Variants in CPQ observed in about 807,000 individuals in gnomAD.
The protein encoded by CPQ is Ser-Met dipeptidase.
CPQ carries 37 observed loss-of-function variants against 45.7 expected under a neutral mutation model. The observed-to-expected ratio is 0.81, with a 90% confidence interval of 0.62 to 1.07. CPQ has a LOEUF of 1.07. Among genes scored for constraint, CPQ ranks in the 50% least tolerant of loss-of-function variants. The probability of loss-of-function intolerance (pLI) is 0.00; values close to 1 mark genes in which losing one functional copy is unlikely to be tolerated. For missense variants in CPQ, 537 were observed against 572.9 expected (o/e 0.94, Z 0.64); for synonymous variants, 186 against 205.8 (o/e 0.90, Z 0.82).
At chr8:96,963,538 A>G (rs1384969319) in intron 4 of CPQ, among the ~76,000 whole-genome samples, 2 of 152,150 alleles carry the variant, frequency 1.3e-5, no homozygotes, top group African/African-American at 4.8e-5. Context: ...GCAAAGGGTC[A>G]CCCTAATATT....
At chr8:96,654,194 G>A (rs1244879687) in intron 1 of CPQ, among the ~76,000 whole-genome samples, 1 of 152,188 alleles carries the variant, frequency 6.6e-6, no homozygotes, top group East Asian at 1.9e-4. Flanking sequence ...TTCCTCTGGT[G>A]TGTAGTGTCT....
intron 1 of CPQ, among the ~76,000 whole-genome samples, chr8:96,680,926 C>G (rs1809142040): frequency 6.6e-6 from 1 of 151,960 alleles, no homozygotes; most frequent in African/African-American, 2.4e-5. Context: ...CATTTTGCCC[C>G]TGCCCGAGAG....
intron 6 of CPQ, among the ~76,000 whole-genome samples, chr8:97,058,443 AAAC>A (rs1810490918): frequency 3.3e-5 from 5 of 152,240 alleles, no homozygotes; most frequent in African/African-American, 1.2e-4. Flanking sequence ...CAAAAACAAG[AAAC>A]ACATCTTTAT....
chr8:96,767,054 TCAGACA>T (rs1202007199), intron 1 of CPQ, among the ~76,000 whole-genome samples: 1 of 152,170 alleles, frequency 6.6e-6, no homozygotes, highest in Non-Finnish European at 1.5e-5. Flanking sequence ...ACTAAATGTA[TCAGACA>T]CTGTTGTGCA....
At chr8:97,108,142 T>C (rs1300966435) in intron 7 of CPQ, among the ~76,000 whole-genome samples, 1 of 152,230 alleles carries the variant, frequency 6.6e-6, no homozygotes, top group African/African-American at 2.4e-5. Context: ...GTTAATTTAA[T>C]TTCTATGTAA....
chr8:96,687,180 C>CTTTTCTTTTCTTTTCT (rs1563469130), intron 1 of CPQ, among the ~76,000 whole-genome samples: 3 of 124,392 alleles, frequency 2.4e-5, no homozygotes, highest in African/African-American at 9.5e-5. Context: ...TTTTCTTTCT[C>CTTTTCTTTTCTTTTCT]TTCTCTTCTC....
intron 3 of CPQ, among the ~76,000 whole-genome samples, chr8:96,874,627 A>G (rs1372489147): frequency 2.6e-5 from 4 of 151,766 alleles, no homozygotes; most frequent in Non-Finnish European, 4.4e-5. Context: ...TTTCACTTAG[A>G]ATAATGTTTT....
chr8:97,027,529 A>T (rs1809823632), intron 5 of CPQ, among the ~76,000 whole-genome samples: 1 of 152,232 alleles, frequency 6.6e-6, no homozygotes, highest in African/African-American at 2.4e-5. Flanking sequence ...TCTTTCAGAT[A>T]AAGAGGCATA....
At chr8:96,803,974 G>A (rs541283266) in intron 2 of CPQ, among the ~76,000 whole-genome samples, 82 of 152,302 alleles carry the variant, frequency 5.4e-4, no homozygotes, top group African/African-American at 1.9e-3. Context: ...GTCAAATGAG[G>A]AGATAGCACT....
intron 1 of CPQ, among the ~76,000 whole-genome samples, chr8:96,765,373 A>G (rs1196253823): frequency 6.6e-6 from 1 of 152,186 alleles, no homozygotes; most frequent in Non-Finnish European, 1.5e-5. Context: ...GAAAGAACCC[A>G]CCAAAGTTCA....
intron 1 of CPQ, among the ~76,000 whole-genome samples, chr8:96,779,243 A>G (rs892851217): frequency 1.3e-5 from 2 of 151,288 alleles, no homozygotes; most frequent in Non-Finnish European, 2.9e-5. Context: ...GCCATTTCCT[A>G]AGACTGTCTT....
chr8:96,879,341 G>A (rs1812189856), intron 3 of CPQ, among the ~76,000 whole-genome samples: 1 of 152,208 alleles, frequency 6.6e-6, no homozygotes, highest in African/African-American at 2.4e-5. Flanking sequence ...AGACCTCTGT[G>A]TTTGGGTGGG....
chr8:96,735,038 T>A (rs1180951946), intron 1 of CPQ, among the ~76,000 whole-genome samples: 1 of 152,218 alleles, frequency 6.6e-6, no homozygotes, highest in Non-Finnish European at 1.5e-5. Context: ...TAAATGTGAC[T>A]TTTTCAGGAA....
intron 4 of CPQ, among the ~76,000 whole-genome samples, chr8:96,952,211 T>C (rs1342710181): frequency 2.6e-5 from 4 of 152,114 alleles, no homozygotes; most frequent in Non-Finnish European, 4.4e-5. Flanking sequence ...TTCTGCCCCA[T>C]CTTTAGTGAA....
In CPQ at chr8:97,089,197, C is replaced by G. The variant is rs566445199; in HGVS notation, c.1255+22987C>G. ...GGCGGAGGTTGTGGTGAGCCGAGAT[C>G]GTGCCATTACACTCCAGCCTGGGCA... On this transcript the variant is annotated intron_variant, in intron 7 of 7. Coordinates refer to ENST00000220763, the MANE Select transcript of CPQ (RefSeq NM_016134.4). Among the ~76,000 whole-genome samples the G allele has an allele frequency of 2.8e-5, 4 of 143,756 alleles. No individual in the cohort carries two copies. The East Asian group carries it at 8.1e-4, about 29-fold the overall frequency. The allele number at this position is 143,756 out of a possible 152,430, so 94.3% of individuals were successfully genotyped here. A position where few individuals can be genotyped will look rare whatever the true frequency, so the allele number is the denominator to read the frequency against.
chr8:96,959,255 AG>A (rs1237984413), intron 4 of CPQ, among the ~76,000 whole-genome samples: 1 of 152,188 alleles, frequency 6.6e-6, no homozygotes, highest in East Asian at 1.9e-4. Flanking sequence ...CTCAGGGAAA[AG>A]TCTGTTGAGA....
At chr8:96,687,104 C>T (rs1809239652) in intron 1 of CPQ, among the ~76,000 whole-genome samples, 1 of 152,140 alleles carries the variant, frequency 6.6e-6, no homozygotes, top group African/African-American at 2.4e-5. Flanking sequence ...TCTCCTCCTC[C>T]ACCCATGAAA....
intron 5 of CPQ, among the ~76,000 whole-genome samples, chr8:97,028,397 T>C (rs1284479290): frequency 6.6e-6 from 1 of 152,194 alleles, no homozygotes; most frequent in Non-Finnish European, 1.5e-5. Context: ...ATACCTGAGA[T>C]ATGTGGTGTG....
In CPQ at chr8:96,760,350, A is replaced by G. The variant is rs190824976; in HGVS notation, c.-34-24514A>G. Among the ~76,000 whole-genome samples, 38 of 152,320 alleles carry G rather than the reference A, an allele frequency of 2.5e-4. 1 individual carries two copies. The highest frequency in any genetic ancestry group is 1.1e-3 in the Admixed American group (17 of 15,292). On this transcript the variant is annotated intron_variant, in intron 1 of 7. Transcript: ENST00000220763. Reference sequence around the variant, plus strand: ...AGTCTGGTATTATCATTTCCACTTTATGGAGGAGGAAACACAGGTTCAGAG... The same window carrying G: ...AGTCTGGTATTATCATTTCCACTTTGTGGAGGAGGAAACACAGGTTCAGAG...
Sources: gnomAD v4.1 joint callset for allele counts (sites outside exome capture counted in the v4.1 genomes callset) on GRCh38, gnomAD v4.1.1 for gene constraint, MANE v1.5 for transcripts, NCBI Gene and HGNC (gene_info 2026-07-23, HGNC 2026-07-21) for gene names.